ZNF516: variants seen among roughly 807,000 people sequenced by gnomAD.
The protein encoded by ZNF516 is zinc finger protein 516.
Under a neutral mutation model 79.7 loss-of-function variants are expected in ZNF516, and 19 were observed. The ratio of observed to expected loss-of-function variants is 0.24; its 90% CI spans 0.17 to 0.35. The LOEUF (loss-of-function observed/expected upper bound fraction) is 0.35. ZNF516 is among the 10% of genes least tolerant of loss of function. The probability of loss-of-function intolerance (pLI) is 1.00; values close to 1 mark genes in which losing one functional copy is unlikely to be tolerated. For missense variants in ZNF516, 1,678 were observed against 1,679.5 expected (o/e 1.00, Z 0.02); for synonymous variants, 877 against 739.5 (o/e 1.19, Z -3.02).
At chr18:76,408,765 T>C (rs761479392) in intron 3 of ZNF516, among the ~76,000 whole-genome samples, 1 of 152,278 alleles carries the variant, frequency 6.6e-6, no homozygotes, top group Non-Finnish European at 1.5e-5. Flanking sequence ...TCCACAAAGC[T>C]GTCCTTAGAT....
At chr18:76,369,664 C>T (rs1002892420) in intron 6 of ZNF516, among the ~76,000 whole-genome samples, 2 of 152,134 alleles carry the variant, frequency 1.3e-5, no homozygotes, top group African/African-American at 4.8e-5. Context: ...ATCCCACAGA[C>T]AATTAGATAT....
chr18:76,489,463 G>A (rs753064667), intron 1 of ZNF516, among the ~76,000 whole-genome samples: 19 of 151,994 alleles, frequency 1.3e-4, no homozygotes, highest in Non-Finnish European at 2.2e-4. Flanking sequence ...GGGGAAGTTA[G>A]GTAAATGGAA....
At chr18:76,417,621 T>C (rs1487150167) in intron 3 of ZNF516, among the ~76,000 whole-genome samples, 2 of 152,204 alleles carry the variant, frequency 1.3e-5, no homozygotes, top group African/African-American at 2.4e-5. Context: ...AGCCAAGAAG[T>C]AATAAAACTT....
intron 1 of ZNF516, chr18:76,491,621 C>A: frequency 1.7e-6 from 1 of 604,172 alleles, no homozygotes; most frequent in Non-Finnish European, 2.0e-6. Context: ...CCCCTTCCCG[C>A]CCCGCCCACG....
chr18:76,391,202 GGTGA>G lies in ZNF516; in HGVS notation c.1811-10903_1811-10900del, dbSNP rs144687180. 4.2e-3 allele frequency among the ~76,000 whole-genome samples: 645 copies of G among 152,214 alleles called. 3 individuals are homozygous for G. The highest frequency in any genetic ancestry group is 0.015 in the African/African-American group (614 of 41,512). ...CTGCACTTTAGGAAACACGCTACAG[GGTGA>G]GTAAGTGTGAGCGTAAGGGCTCTGG... is the stretch of plus-strand genomic sequence containing the variant. On this transcript the variant is annotated intron_variant, in intron 3 of 6. Transcript: ENST00000443185.
chr18:76,388,344 G>T (rs1030474890), intron 3 of ZNF516: 1 of 152,204 alleles, frequency 6.6e-6, no homozygotes, highest in Admixed American at 6.5e-5. Flanking sequence ...AGCATTAATT[G>T]TCTAGACACT....
chr18:76,431,936 C>T (rs1599078555), intron 3 of ZNF516, among the ~76,000 whole-genome samples: 5 of 152,348 alleles, frequency 3.3e-5, no homozygotes, highest in Admixed American at 3.3e-4. Flanking sequence ...TGCATTCCGC[C>T]TCCAGGTGTG....
rs779877933 is a variant in ZNF516, at chr18:76,441,528, G to A, written c.1527C>T (p.Thr509=). The A allele has an allele frequency of 2.5e-6, 4 of 1,576,120 alleles. No homozygotes were observed. The highest frequency in any genetic ancestry group is 1.2e-5 in the South Asian group (1 of 86,662). Residue 509 remains threonine (T), a synonymous_variant, in exon 3 of 7, where the codon ACC becomes ACT. Transcript: ENST00000443185. ...ARPNRRAAAT[T]GQGKSSECFE... is the part of the protein sequence containing the mutation. ...AGCACTCGGAGGACTTGCCCTGGCCGGTGGTGGCTGCGGCCCTGCGGTTGG... is the reference window on the plus strand; with the variant it reads ...AGCACTCGGAGGACTTGCCCTGGCCAGTGGTGGCTGCGGCCCTGCGGTTGG...
rs929041067 is a variant in ZNF516 at position 76,451,695 on chromosome 18, T to G, written c.-157-8484A>C. 1.3e-5 allele frequency among the ~76,000 whole-genome samples: 2 copies of G among 152,204 alleles called. No individual in the cohort carries two copies. The highest frequency in any genetic ancestry group is 6.5e-5 in the Admixed American group (1 of 15,286). On this transcript the variant is annotated intron_variant, in intron 2 of 6. Transcript: ENST00000443185. The surrounding 1 kb of genome is among the most constrained non-coding windows in gnomAD (Gnocchi z 6.0). ...TGGTGTTTGAGTATACTGTGTGTGT[T>G]TGTTCTCCGGGAAACAATGAGACGG...
At chr18:76,474,393 A>G (rs569612338) in intron 1 of ZNF516, among the ~76,000 whole-genome samples, 1 of 152,338 alleles carries the variant, frequency 6.6e-6, no homozygotes. Flanking sequence ...TCCATAATAC[A>G]GTACCATGAC....
chr18:76,437,937 T>C (rs575170369), intron 3 of ZNF516, among the ~76,000 whole-genome samples: 3 of 152,342 alleles, frequency 2.0e-5, no homozygotes, highest in South Asian at 2.1e-4. Flanking sequence ...GGGTGTCCCA[T>C]CTATTGAGTC....
At chr18:76,491,072 C>T (rs1382287644) in intron 1 of ZNF516, 5 of 985,316 alleles carry the variant, frequency 5.1e-6, no homozygotes, top group East Asian at 1.1e-4. Flanking sequence ...GGTGTGAACA[C>T]TTATGTAATC....
At chr18:76,377,596 A>G (rs1357050496) in intron 4 of ZNF516, among the ~76,000 whole-genome samples, 4 of 152,180 alleles carry the variant, frequency 2.6e-5, no homozygotes, top group Non-Finnish European at 4.4e-5. Flanking sequence ...CTGTCTGCTG[A>G]TATCTCCCAG....
intron 3 of ZNF516, among the ~76,000 whole-genome samples, chr18:76,391,213 G>A (rs1403008117): frequency 1.3e-5 from 2 of 152,172 alleles, no homozygotes; most frequent in Non-Finnish European, 2.9e-5. Context: ...GTGAGTAAGT[G>A]TGAGCGTAAG....
chr18:76,365,730 G>A (rs531021665), intron 6 of ZNF516, among the ~76,000 whole-genome samples: 7 of 152,290 alleles, frequency 4.6e-5, no homozygotes, highest in East Asian at 1.9e-4. Flanking sequence ...CGGTGCCACC[G>A]CCGGGCTGGA....
At chr18:76,422,980 C>T (rs1457316081) in intron 3 of ZNF516, among the ~76,000 whole-genome samples, 1 of 152,232 alleles carries the variant, frequency 6.6e-6, no homozygotes, top group Non-Finnish European at 1.5e-5. Flanking sequence ...CACTGAGCTC[C>T]GCAACTCTAA....
rs931497886 is a variant in ZNF516, at chr18:76,489,123, C to G, written c.-272+6021G>C. 3.7e-4 allele frequency among the ~76,000 whole-genome samples: 57 copies of G among 152,336 alleles called. 1 individual carries two copies. Among genetic ancestry groups the G allele is most frequent in the African/African-American group, 1.3e-3 (56 of 41,574 alleles). ...TAAACACAGTCTCCAGTCAGACTTA[C>G]AACCACTCCCACCAAATTCTTTTTA... On this transcript the variant is annotated intron_variant, in intron 1 of 6. Coordinates refer to ENST00000443185, the MANE Select transcript of ZNF516 (RefSeq NM_014643.4).
intron 3 of ZNF516, among the ~76,000 whole-genome samples, chr18:76,405,053 C>T (rs1278360471): frequency 1.3e-5 from 2 of 152,146 alleles, no homozygotes; most frequent in Non-Finnish European, 2.9e-5. Context: ...GGTGCTGGGC[C>T]CATTGCAGGC....
At chr18:76,458,680 C>A (rs1315052769) in intron 2 of ZNF516, among the ~76,000 whole-genome samples, 4 of 134,686 alleles carry the variant, frequency 3.0e-5, no homozygotes, top group African/African-American at 5.7e-5. Flanking sequence ...GTCGTGTGTG[C>A]GTGCCTCACC....
Sources: gnomAD v4.1 joint callset for allele counts (sites outside exome capture counted in the v4.1 genomes callset) on GRCh38, gnomAD v4.1.1 for gene constraint, Gnocchi (gnomAD v3.1) non-coding constraint, MANE v1.5 for transcripts, NCBI Gene and HGNC (gene_info 2026-07-23, HGNC 2026-07-21) for gene names.